Variants in ABTB3 observed in about 807,000 individuals in gnomAD.
ABTB3 encodes ankyrin repeat- and BTB/POZ domain-containing protein 3.
the ABTB3 span, among the ~76,000 whole-genome samples, chr12:107,351,781 A>T: frequency 6.6e-6 from 1 of 152,154 alleles, no homozygotes; most frequent in Non-Finnish European, 1.5e-5. Context: ...ACACAGTCTC[A>T]GATATTCTGT....
At chr12:107,373,114 C>T in the ABTB3 span, among the ~76,000 whole-genome samples, 2 of 152,296 alleles carry the variant, frequency 1.3e-5, no homozygotes, top group Admixed American at 1.3e-4. Context: ...GCAAAATCAC[C>T]TCTGGTTGAG....
At chr12:107,610,169 G>C in the ABTB3 span, 5 of 1,614,122 alleles carry the variant, frequency 3.1e-6, no homozygotes, top group Non-Finnish European at 3.4e-6. Flanking sequence ...GTACCCGCAT[G>C]ATGTCTCTTC....
chr12:107,520,525 G>A, the ABTB3 span: 10 of 1,614,198 alleles, frequency 6.2e-6, no homozygotes, highest in Admixed American at 1.5e-4. Context: ...TCTTCACAGA[G>A]ACCCACAGCG....
chr12:107,528,604 C>G, the ABTB3 span, among the ~76,000 whole-genome samples: 3 of 152,276 alleles, frequency 2.0e-5, no homozygotes, highest in East Asian at 5.8e-4. Context: ...ATGACACTGA[C>G]AAGGGAAGCA....
the ABTB3 span, among the ~76,000 whole-genome samples, chr12:107,593,748 G>T: frequency 6.6e-6 from 1 of 152,202 alleles, no homozygotes; most frequent in Non-Finnish European, 1.5e-5. Flanking sequence ...ACTCCACGAG[G>T]TTGGGGACCC....
At chr12:107,632,654 T>G in the ABTB3 span, among the ~76,000 whole-genome samples, 1 of 152,224 alleles carries the variant, frequency 6.6e-6, no homozygotes, top group Non-Finnish European at 1.5e-5. Flanking sequence ...TTCTCTGGGT[T>G]GGAAATCTGG....
At chr12:107,471,367 C>T in the ABTB3 span, among the ~76,000 whole-genome samples, 6 of 152,102 alleles carry the variant, frequency 3.9e-5, no homozygotes, top group African/African-American at 1.4e-4. Flanking sequence ...ACCTAATCTT[C>T]CAGAATAGAA....
chr12:107,436,441 T>C, the ABTB3 span, among the ~76,000 whole-genome samples: 1 of 152,204 alleles, frequency 6.6e-6, no homozygotes, highest in African/African-American at 2.4e-5. Flanking sequence ...TCTATACCAC[T>C]AATGTAGTCA....
chr12:107,333,263 A>G, the ABTB3 span, among the ~76,000 whole-genome samples: 4 of 152,352 alleles, frequency 2.6e-5, no homozygotes, highest in East Asian at 1.9e-4. Context: ...TCTAAGTCAG[A>G]TGGTCTGTAG....
the ABTB3 span, among the ~76,000 whole-genome samples, chr12:107,480,723 T>A: frequency 2.6e-5 from 4 of 152,148 alleles, no homozygotes; most frequent in African/African-American, 9.7e-5. Flanking sequence ...TGTGTGTTTG[T>A]CCTGTGAGCA....
At chr12:107,417,223 C>A in the ABTB3 span, among the ~76,000 whole-genome samples, 66 of 152,302 alleles carry the variant, frequency 4.3e-4, no homozygotes, top group East Asian at 0.012. Context: ...AACAGAACCA[C>A]GTCTGCCACC....
the ABTB3 span, among the ~76,000 whole-genome samples, chr12:107,521,926 G>A: frequency 9.9e-5 from 15 of 152,034 alleles, no homozygotes; most frequent in African/African-American, 3.4e-4. Flanking sequence ...CCTTGTCTTA[G>A]TCAACTTGGG....
At chr12:107,657,437 C>T in the ABTB3 span, 5 of 1,291,738 alleles carry the variant, frequency 3.9e-6, no homozygotes, top group Non-Finnish European at 4.5e-6. Context: ...CCATCATTAG[C>T]TCTGAAGGCA....
At chr12:107,608,941 ATAAAT>A in the ABTB3 span, among the ~76,000 whole-genome samples, 8 of 86,146 alleles carry the variant, frequency 9.3e-5, no homozygotes, top group African/African-American at 4.6e-4. Flanking sequence ...ATAAAATAAA[ATAAAT>A]AAAATAAAAT....
the ABTB3 span, among the ~76,000 whole-genome samples, chr12:107,551,880 G>A: frequency 4.6e-5 from 7 of 152,030 alleles, no homozygotes; most frequent in African/African-American, 1.7e-4. Context: ...AGCCTCCCGA[G>A]TAGCTGGGAT....
chr12:107,419,949 A>C, the ABTB3 span, among the ~76,000 whole-genome samples: 1 of 152,186 alleles, frequency 6.6e-6, no homozygotes, highest in Non-Finnish European at 1.5e-5. Context: ...GTATGGATCA[A>C]GTGTGATGTT....
At chr12:107,620,295 T>C in the ABTB3 span, 1 of 1,233,550 alleles carries the variant, frequency 8.1e-7, no homozygotes, top group African/African-American at 1.5e-5. Context: ...CAGTGGCGAA[T>C]GTAGCCCAGC....
At chr12:107,474,236 G>A in the ABTB3 span, among the ~76,000 whole-genome samples, 2 of 152,158 alleles carry the variant, frequency 1.3e-5, no homozygotes, top group African/African-American at 2.4e-5. Flanking sequence ...GGGCTGGAGA[G>A]GAGCCACTGG....
At chr12:107,598,362 A>G in the ABTB3 span, among the ~76,000 whole-genome samples, 1 of 152,188 alleles carries the variant, frequency 6.6e-6, no homozygotes, top group African/African-American at 2.4e-5. Context: ...ACTGGACACA[A>G]ATGTTACCCA....
Sources: gnomAD v4.1 joint callset for allele counts (sites outside exome capture counted in the v4.1 genomes callset) on GRCh38, gnomAD v4.1.1 for gene constraint, MANE v1.5 for transcripts, NCBI Gene and HGNC (gene_info 2026-07-23, HGNC 2026-07-21) for gene names.